YTHDC2: variants seen among roughly 807,000 people sequenced by gnomAD.
The protein encoded by YTHDC2 is 3'-5' RNA helicase YTHDC2.
A neutral mutation model predicts 174.9 loss-of-function variants in YTHDC2; 45 were observed. That is an observed-to-expected ratio of 0.26 (90% CI 0.20 to 0.33). YTHDC2 has a LOEUF of 0.33. Ranked by LOEUF, YTHDC2 falls within the 10% of genes least tolerant of loss-of-function variation. The pLI, the probability that YTHDC2 is intolerant of heterozygous loss-of-function variation, is 1.00. For synonymous variants in YTHDC2, 657 were observed against 574.5 expected (o/e 1.14, Z -2.05); for missense variants, 1,650 against 1,723.7 (o/e 0.96, Z 0.76).
chr5:113,557,458 C>T (rs1776688462), intron 17 of YTHDC2, among the ~76,000 whole-genome samples: 1 of 152,108 alleles, frequency 6.6e-6, no homozygotes, highest in Non-Finnish European at 1.5e-5. Context: ...CCAATAGTGG[C>T]TTGATACATT....
intron 18 of YTHDC2, among the ~76,000 whole-genome samples, chr5:113,561,957 G>GTGTGTGTGTGTGTGTGTGT (rs1554099024): frequency 7.4e-6 from 1 of 134,872 alleles, no homozygotes; most frequent in Non-Finnish European, 1.6e-5. Context: ...ATTAATTGTG[G>GTGTGTGTGTGTGTGTGTGT]GTGTGTGTGT....
intron 26 of YTHDC2, among the ~76,000 whole-genome samples, chr5:113,586,742 C>T (rs1280133778): frequency 2.7e-5 from 4 of 150,210 alleles, no homozygotes; most frequent in African/African-American, 7.3e-5. Flanking sequence ...GTTCCAGTAC[C>T]GTTTGTTAAA....
intron 2 of YTHDC2, among the ~76,000 whole-genome samples, chr5:113,516,462 G>T (rs1773432621): frequency 6.6e-6 from 1 of 152,176 alleles, no homozygotes; most frequent in South Asian, 2.1e-4. Context: ...AATAAGGATG[G>T]TGGGATCAAT....
At chr5:113,526,559 T>C (rs1334523514) in intron 3 of YTHDC2, 27 bp from the exon 4 acceptor site, 2 of 1,542,682 alleles carry the variant, frequency 1.3e-6, no homozygotes, top group Admixed American at 3.8e-5. Flanking sequence ...GATCATACAT[T>C]TTTTGTTCTT....
rs879430979 is a variant in YTHDC2 at position 113,550,285 on chromosome 5, A to C, written c.1688+1265A>C. Among the ~76,000 whole-genome samples, 6 of 152,148 alleles carry C rather than the reference A, an allele frequency of 3.9e-5. No individual in the cohort carries two copies. The South Asian group carries it at 8.3e-4, about 21-fold the overall frequency. Reference sequence around the variant, plus strand: ...AGAGGGAGGTCTCTGTGGGGGAAAAATTTACCTGGCATTGTCAATCATATT... The same window carrying C: ...AGAGGGAGGTCTCTGTGGGGGAAAACTTTACCTGGCATTGTCAATCATATT... On this transcript the variant is annotated intron_variant, in intron 12 of 29. Transcript: ENST00000161863.
intron 26 of YTHDC2, among the ~76,000 whole-genome samples, chr5:113,586,521 C>T (rs973703948): frequency 1.3e-5 from 2 of 151,710 alleles, no homozygotes; most frequent in Non-Finnish European, 2.9e-5. Context: ...TTGATGGAGT[C>T]CATTTCATCA....
chr5:113,555,201 T>A (rs1486555504), intron 16 of YTHDC2, among the ~76,000 whole-genome samples: 3 of 152,066 alleles, frequency 2.0e-5, no homozygotes, highest in African/African-American at 7.2e-5. Flanking sequence ...CTTTAGGTGT[T>A]ACTTATTTAT....
intron 3 of YTHDC2, among the ~76,000 whole-genome samples, chr5:113,526,365 G>C (rs1774238284): frequency 6.7e-6 from 1 of 150,114 alleles, no homozygotes; most frequent in African/African-American, 2.5e-5. Flanking sequence ...TTGAAATTTT[G>C]TAACATGTTC....
chr5:113,567,736 A>C lies in YTHDC2; in HGVS notation c.3131A>C (p.His1044Pro). The change falls in exon 23 of 30, where the codon CAT (histidine) becomes CCT (proline). Residue 1044 changes from histidine to proline, a missense_variant. Coordinates refer to ENST00000161863, the MANE Select transcript of YTHDC2 (RefSeq NM_022828.5). ...ATTTATGATGAAATGACCAGAGCCC[A>C]TAGAATAGCTAATATTAGATGTTGT... ...WLIYDEMTRAHRIANIRCCSA... is the reference protein window; with the variant it reads ...WLIYDEMTRAPRIANIRCCSA... The C allele has an allele frequency of 2.5e-6, 4 of 1,612,100 alleles. No homozygotes were observed. The highest frequency in any genetic ancestry group is 3.4e-6 in the Non-Finnish European group (4 of 1,179,078).
chr5:113,561,391 A>G (rs1776952764), intron 18 of YTHDC2, among the ~76,000 whole-genome samples: 1 of 131,152 alleles, frequency 7.6e-6, no homozygotes, highest in South Asian at 2.2e-4. Context: ...TTAAAGAATC[A>G]CTTGAATATT....
rs1171474605 is a variant in YTHDC2 at position 113,584,307 on chromosome 5, T to C, written c.3653T>C (p.Leu1218Pro). 1 of 1,611,272 alleles carries C rather than the reference T, an allele frequency of 6.2e-7. No homozygotes were observed. The highest frequency in any genetic ancestry group is 1.3e-5 in the African/African-American group (1 of 74,864). Residue 1218 changes from leucine (L) to proline (P), a missense_variant, in exon 26 of 30, where the codon CTG (leucine) becomes CCG (proline). Physicochemically the swap from Leu to Pro is moderately conservative, Grantham distance 98. This residue lies in a region of YTHDC2 where 913 missense variants were observed against 940.4 expected (regional missense o/e 0.97). Coordinates refer to ENST00000161863, the MANE Select transcript of YTHDC2 (RefSeq NM_022828.5). ...CTTCCTCCTTCTTGCTCAAGAGTAC[T>C]GATGAAATCTCCATCTCCAGCATTA... The part of the protein sequence containing the change: ...SDECTTAERV[L>P]MKSPSPALHP...
chr5:113,553,075 G>T, intron 12 of YTHDC2, 106 bp from the exon 13 acceptor site: 1 of 1,091,242 alleles, frequency 9.2e-7, no homozygotes. Context: ...GACATTAAGT[G>T]TCACTTACCT....
At chr5:113,592,882 C>T (rs967278054) in intron 28 of YTHDC2, 2 of 152,368 alleles carry the variant, frequency 1.3e-5, no homozygotes, top group Non-Finnish European at 2.9e-5. Context: ...TAATAATTTT[C>T]AAGATAAGAA....
intron 5 of YTHDC2, among the ~76,000 whole-genome samples, chr5:113,533,939 C>T (rs189709001): frequency 2.0e-5 from 3 of 152,194 alleles, no homozygotes; most frequent in Non-Finnish European, 4.4e-5. Context: ...ATAAGGAATA[C>T]TCAGTATATG....
At chr5:113,581,965 A>G (rs1248060217) in intron 25 of YTHDC2, 2 of 262,808 alleles carry the variant, frequency 7.6e-6, no homozygotes, top group Non-Finnish European at 1.4e-5. Context: ...GGAAAAGGTC[A>G]AAATATCTAA....
At position 113,526,620 on chromosome 5, in the gene YTHDC2, C is replaced by A; in HGVS notation, c.510C>A (p.Leu170=). Residue 170 remains leucine, a synonymous_variant, in exon 4 of 30, where the codon CTC becomes CTA. Transcript: ENST00000161863. ...NREMSKTSGR[L]NNGIPQIPVK... Reference sequence around the variant, plus strand: ...AAATGAGCAAGACAAGTGGGCGACTCAACAATGGCATACCTCAGATTCCAG... The same window carrying A: ...AAATGAGCAAGACAAGTGGGCGACTAAACAATGGCATACCTCAGATTCCAG... 1 of 1,575,090 alleles carries A rather than the reference C, an allele frequency of 6.3e-7. No individual in the cohort carries two copies. The highest frequency in any genetic ancestry group is 2.4e-5 in the East Asian group (1 of 42,374).
intron 26 of YTHDC2, among the ~76,000 whole-genome samples, chr5:113,589,408 A>AAAAATATATATATATATATATAT (rs368975720): frequency 6.5e-5 from 8 of 123,232 alleles, no homozygotes; most frequent in African/African-American, 2.7e-4. Flanking sequence ...AAAAAAAAAA[A>AAAAATATATATATATATATATAT]ATATATATAT....
At chr5:113,590,255 G>C (rs891167402) in intron 26 of YTHDC2, among the ~76,000 whole-genome samples, 2 of 152,164 alleles carry the variant, frequency 1.3e-5, no homozygotes, top group Admixed American at 1.3e-4. Context: ...GAATCCTTTT[G>C]AAGTTTGCTT....
At position 113,518,163 on chromosome 5, in the gene YTHDC2, C is replaced by T. The variant is rs565027111; in HGVS notation, c.278+2801C>T. Among the ~76,000 whole-genome samples, 6 of 148,998 alleles carry T rather than the reference C, an allele frequency of 4.0e-5. No individual in the cohort carries two copies. The South Asian group carries it at 1.3e-3, about 32-fold the overall frequency. Reference sequence around the variant, plus strand: ...TTGGCCTCCCAAAGTGCTGGGATTACAGGCGTGAGCCACTGCACCTGGCGT... The same window carrying T: ...TTGGCCTCCCAAAGTGCTGGGATTATAGGCGTGAGCCACTGCACCTGGCGT... On this transcript the variant is annotated intron_variant, in intron 2 of 29. Transcript: ENST00000161863.
Sources: gnomAD v4.1 joint callset for allele counts (sites outside exome capture counted in the v4.1 genomes callset) on GRCh38, gnomAD v4.1.1 for gene constraint, gnomAD v4.1.1 regional missense constraint, MANE v1.5 for transcripts, NCBI Gene and HGNC (gene_info 2026-07-23, HGNC 2026-07-21) for gene names.